Variants in FAM163B observed in about 807,000 individuals in gnomAD.
FAM163B encodes the protein family with sequence similarity 163 member B.
In FAM163B, 4 loss-of-function variants were observed where a neutral mutation model predicts 7.6. That is an observed-to-expected ratio of 0.52 (90% CI 0.26 to 1.20). The LOEUF (loss-of-function observed/expected upper bound fraction) is 1.20. Among genes scored for constraint, FAM163B ranks in the 50% most tolerant of loss-of-function variants. The pLI is 0.14. For missense variants in FAM163B, 250 were observed against 243.0 expected, an observed-to-expected ratio of 1.03 and a Z score of -0.19; for synonymous variants, 120 against 111.6, an observed-to-expected ratio of 1.07 and a Z score of -0.47.
Position 133,600,206 on chromosome 9 carries a change from AGTGT to A in FAM163B, c.-24+8867_-24+8870del, listed in dbSNP as rs948281152. Among the ~76,000 whole-genome samples the A allele has an allele frequency of 6.1e-5, 7 of 113,854 alleles. No homozygotes were observed. The highest frequency in any genetic ancestry group is 2.9e-4 in the East Asian group (1 of 3,396). 74.7% of individuals were successfully genotyped at this position (113,854 alleles called of 152,430 possible). On this transcript the variant is annotated intron_variant, in intron 1 of 2. Transcript: ENST00000673969. The surrounding 1 kb of genome is among the most constrained non-coding windows in gnomAD (Gnocchi z 4.9). Reference sequence around the variant, plus strand: ...TGTATGTGGGAATGTGGTCTGTGTGAGTGTGTGTGTGTGGGGGGGAATGTGGTCT... The same window carrying A: ...TGTATGTGGGAATGTGGTCTGTGTGAGTGTGTGTGGGGGGGAATGTGGTCT...
intron 1 of FAM163B, among the ~76,000 whole-genome samples, chr9:133,587,289 G>A (rs113067637): frequency 0.065 from 9,908 of 152,278 alleles, 453 homozygotes; most frequent in Non-Finnish European, 0.11. Flanking sequence ...AAGGGGAGTC[G>A]AGGGGTGTTG....
intron 1 of FAM163B, among the ~76,000 whole-genome samples, chr9:133,581,921 G>C (rs1421637000): frequency 6.6e-6 from 1 of 152,178 alleles, no homozygotes; most frequent in Non-Finnish European, 1.5e-5. Flanking sequence ...GCGTGACCTG[G>C]ATCTGTTACT....
chr9:133,597,170 G>A (rs978867850), intron 1 of FAM163B, among the ~76,000 whole-genome samples: 6 of 152,172 alleles, frequency 3.9e-5, no homozygotes, highest in African/African-American at 9.7e-5. Context: ...AACTAACCCC[G>A]AAGTGGCACA....
In FAM163B at chr9:133,600,679, T is replaced by C. The variant is rs1249307900; in HGVS notation, c.-24+8398A>G. On this transcript the variant is annotated intron_variant, in intron 1 of 2. Coordinates refer to ENST00000673969, the MANE Select transcript of FAM163B (RefSeq NM_001080515.3). The surrounding 1 kb of genome is among the most constrained non-coding windows in gnomAD (Gnocchi z 4.9). ...TTGAGGAGAGGTTGGTCTAAGCTCCTGGAGTCGCAGGCTCCCAGAATCTTA... is the reference window on the plus strand; with the variant it reads ...TTGAGGAGAGGTTGGTCTAAGCTCCCGGAGTCGCAGGCTCCCAGAATCTTA... Among the ~76,000 whole-genome samples the C allele has an allele frequency of 6.6e-6, 1 of 151,550 alleles. No individual in the cohort carries two copies. The highest frequency in any genetic ancestry group is 1.9e-4 in the East Asian group (1 of 5,148).
chr9:133,608,295 AC>A (rs1831813510), intron 1 of FAM163B, among the ~76,000 whole-genome samples: 1 of 152,178 alleles, frequency 6.6e-6, no homozygotes, highest in Non-Finnish European at 1.5e-5. Flanking sequence ...CACTGGCAGG[AC>A]CACTTGTGCC....
intron 1 of FAM163B, among the ~76,000 whole-genome samples, chr9:133,602,568 C>T (rs1423315384): frequency 2.0e-5 from 3 of 151,956 alleles, no homozygotes; most frequent in Admixed American, 6.6e-5. Context: ...AAAGACCACA[C>T]GAGTGATTGT....
chr9:133,589,354 C>A (rs951035816), intron 1 of FAM163B, among the ~76,000 whole-genome samples: 8 of 152,198 alleles, frequency 5.3e-5, no homozygotes, highest in African/African-American at 1.9e-4. Flanking sequence ...TATTATTATG[C>A]CCATTTTACA....
Position 133,578,837 on chromosome 9 carries a change from G to T in FAM163B, c.*185C>A. On this transcript the variant is annotated 3_prime_UTR_variant, in exon 3 of 3. Coordinates refer to ENST00000673969, the MANE Select transcript of FAM163B (RefSeq NM_001080515.3). The stretch of plus-strand genomic sequence containing the variant: ...GTGCCTCCCCCCAGGACACATTTGT[G>T]TTCAATGAGCCTTATCCCTGCCACG... 8.5e-7 allele frequency: 1 copy of T among 1,169,906 alleles called. No individual in the cohort carries two copies. The highest frequency in any genetic ancestry group is 1.1e-6 in the Non-Finnish European group (1 of 871,540). 72.5% of individuals were successfully genotyped at this position (1,169,906 alleles called of 1,614,324 possible).
chr9:133,579,066 G>C lies in FAM163B; in HGVS notation c.457C>G (p.Arg153Gly). 3 of 1,587,582 alleles carry C rather than the reference G, an allele frequency of 1.9e-6. No individual in the cohort carries two copies. Among genetic ancestry groups the C allele is most frequent in the Non-Finnish European group, 2.6e-6 (3 of 1,170,266 alleles). ...ALNPNRLSAM[R>G]EAFARSRSIS... ...CTGCGGCTCCTGGCGAAGGCCTCCC[G>C]CATGGCTGAGAGGCGGTTGGGGTTG... Residue 153 changes from arginine to glycine, a missense_variant, in exon 3 of 3, where the codon CGG becomes GGG. Arg to Gly is a moderately radical substitution (Grantham distance 125, BLOSUM62 -2). Coordinates refer to ENST00000673969, the MANE Select transcript of FAM163B (RefSeq NM_001080515.3).
At chr9:133,589,146 T>C (rs1299106656) in intron 1 of FAM163B, among the ~76,000 whole-genome samples, 1 of 152,136 alleles carries the variant, frequency 6.6e-6, no homozygotes, top group Non-Finnish European at 1.5e-5. Context: ...CGTGCCATCC[T>C]GTGTTGCCCC....
intron 1 of FAM163B, among the ~76,000 whole-genome samples, chr9:133,590,415 C>T (rs1404320683): frequency 3.3e-5 from 5 of 152,050 alleles, no homozygotes; most frequent in Admixed American, 1.3e-4. Context: ...AACTTAGTCC[C>T]GTGCTGGGCT....
At chr9:133,582,583 G>A (rs1023827338) in intron 1 of FAM163B, among the ~76,000 whole-genome samples, 2 of 152,352 alleles carry the variant, frequency 1.3e-5, no homozygotes, top group Non-Finnish European at 2.9e-5. Flanking sequence ...AGCACACACT[G>A]TGCTGATAGC....
chr9:133,599,571 T>C (rs1234611793), intron 1 of FAM163B, among the ~76,000 whole-genome samples: 1 of 151,696 alleles, frequency 6.6e-6, no homozygotes, highest in Non-Finnish European at 1.5e-5. Flanking sequence ...TTTCTGTGTA[T>C]GCATGTATGT....
intron 1 of FAM163B, among the ~76,000 whole-genome samples, chr9:133,581,091 A>C (rs1399221330): frequency 6.6e-6 from 1 of 152,154 alleles, no homozygotes; most frequent in Admixed American, 6.5e-5. Flanking sequence ...CTTGTGGAAA[A>C]TGTCCATCAA....
chr9:133,578,954 G>A lies in FAM163B; in HGVS notation c.*68C>T. 6.9e-7 allele frequency: 1 copy of A among 1,441,958 alleles called. No homozygotes were observed. The highest frequency in any genetic ancestry group is 9.1e-7 in the Non-Finnish European group (1 of 1,099,962). The allele number at this position is 1,441,958 out of a possible 1,614,324, so 89.3% of individuals were successfully genotyped here. On this transcript the variant is annotated 3_prime_UTR_variant, in exon 3 of 3. Coordinates refer to ENST00000673969, the MANE Select transcript of FAM163B (RefSeq NM_001080515.3). ...CCCACTTGGGGCCTGGGGCCAGGTG[G>A]GTGTGCCAAAGGAATCCCCCCATTG...
chr9:133,593,800 G>A (rs528026891), intron 1 of FAM163B, among the ~76,000 whole-genome samples: 1 of 152,320 alleles, frequency 6.6e-6, no homozygotes, highest in South Asian at 2.1e-4. Flanking sequence ...TTCGCACCCC[G>A]GCCCCGAACC....
At chr9:133,599,977 C>G (rs202075779) in intron 1 of FAM163B, among the ~76,000 whole-genome samples, 46 of 31,726 alleles carry the variant, frequency 1.4e-3, no homozygotes, top group Middle Eastern at 0.029. Flanking sequence ...GTGTGTGTGT[C>G]TGTGTGCATA....
At chr9:133,589,772 G>C (rs1831509174) in intron 1 of FAM163B, among the ~76,000 whole-genome samples, 1 of 152,194 alleles carries the variant, frequency 6.6e-6, no homozygotes, top group African/African-American at 2.4e-5. Context: ...GTTTCCCAGG[G>C]GGCGGGAACA....
chr9:133,578,988 C>T lies in FAM163B; in HGVS notation c.*34G>A. ...AAGGAATCCCCCCATTGTCTCAGGACCTTCAAGGCCAGGATCCCGGGGGCG... is the reference window on the plus strand; with the variant it reads ...AAGGAATCCCCCCATTGTCTCAGGATCTTCAAGGCCAGGATCCCGGGGGCG... On this transcript the variant is annotated 3_prime_UTR_variant, in exon 3 of 3. Coordinates refer to ENST00000673969, the MANE Select transcript of FAM163B (RefSeq NM_001080515.3). 3 of 1,467,242 alleles carry T rather than the reference C, an allele frequency of 2.0e-6. No homozygotes were observed. The highest frequency in any genetic ancestry group is 2.5e-5 in the East Asian group (1 of 40,454). The allele number at this position is 1,467,242 out of a possible 1,614,324, so 90.9% of individuals were successfully genotyped here.
Sources: gnomAD v4.1 joint callset for allele counts (sites outside exome capture counted in the v4.1 genomes callset) on GRCh38, gnomAD v4.1.1 for gene constraint, Gnocchi (gnomAD v3.1) non-coding constraint, MANE v1.5 for transcripts, NCBI Gene and HGNC (gene_info 2026-07-23, HGNC 2026-07-21) for gene names.